Variants in TXNRD1 observed in about 807,000 individuals in gnomAD.
The protein encoded by TXNRD1 is thioredoxin reductase 1, cytoplasmic.
Under a neutral mutation model 80.3 loss-of-function variants are expected in TXNRD1, and 57 were observed. The ratio of observed to expected loss-of-function variants is 0.71; its 90% CI spans 0.57 to 0.89. The LOEUF (loss-of-function observed/expected upper bound fraction) is 0.89. Among genes scored for constraint, TXNRD1 ranks in the 40% least tolerant of loss-of-function variants. TXNRD1 has a pLI of 0.00. For synonymous variants in TXNRD1, 291 were observed against 285.2 expected (o/e 1.02, Z -0.20); for missense variants, 730 against 803.0 (o/e 0.91, Z 1.10).
intron 1 of TXNRD1, among the ~76,000 whole-genome samples, chr12:104,239,615 G>GTTGT: frequency 2.0e-5 from 3 of 151,934 alleles, no homozygotes. Context: ...CCAAGTAACT[G>GTTGT]GGATTACAGG....
intron 2 of TXNRD1, among the ~76,000 whole-genome samples, chr12:104,253,169 C>T (rs1026848602): frequency 3.3e-5 from 5 of 152,030 alleles, no homozygotes; most frequent in Non-Finnish European, 5.9e-5. Flanking sequence ...CTCTCTCGTT[C>T]TGCATGTGTG....
Position 104,344,445 on chromosome 12 carries a change from C to T in TXNRD1, c.1882-3908C>T, listed in dbSNP as rs1037759053. ...AAGGCTTTAAACTCCTGGTTATGGA[C>T]ATTTTAAAAAATTATTTTTAATTGA... On this transcript the variant is annotated intron_variant, in intron 16 of 16. Coordinates refer to ENST00000525566, the MANE Select transcript of TXNRD1 (RefSeq NM_001093771.3). 1.2e-3 allele frequency among the ~76,000 whole-genome samples: 185 copies of T among 151,820 alleles called. 1 individual carries two copies. The highest frequency in any genetic ancestry group is 4.4e-3 in the African/African-American group (180 of 41,300).
At chr12:104,343,066 G>A (rs2036377758) in intron 16 of TXNRD1, among the ~76,000 whole-genome samples, 4 of 152,212 alleles carry the variant, frequency 2.6e-5, no homozygotes, top group African/African-American at 7.2e-5. Flanking sequence ...GAGCAGACTC[G>A]AGGTGACAGC....
At chr12:104,224,572 G>T (rs1363312736) in intron 1 of TXNRD1, among the ~76,000 whole-genome samples, 1 of 151,984 alleles carries the variant, frequency 6.6e-6, no homozygotes, top group African/African-American at 2.4e-5. Context: ...TTTTAGTAAA[G>T]ACGGGGTTTC....
At chr12:104,267,165 C>T (rs202228186) in intron 3 of TXNRD1, among the ~76,000 whole-genome samples, 2 of 53,860 alleles carry the variant, frequency 3.7e-5, no homozygotes, top group Non-Finnish European at 7.6e-5. Flanking sequence ...GACTCCCTCT[C>T]AAAAAAAAAA....
At chr12:104,274,847 A>G (rs984374721) in intron 3 of TXNRD1, among the ~76,000 whole-genome samples, 1 of 152,096 alleles carries the variant, frequency 6.6e-6, no homozygotes, top group Admixed American at 6.6e-5. Context: ...CTTTTATGAG[A>G]TGAAACATCT....
At chr12:104,252,530 T>G (rs550376903) in intron 2 of TXNRD1, among the ~76,000 whole-genome samples, 1 of 150,836 alleles carries the variant, frequency 6.6e-6, no homozygotes, top group Non-Finnish European at 1.5e-5. Context: ...ACCTGATCTG[T>G]CTGGTGCTTC....
At chr12:104,232,638 A>G (rs764966181) in intron 1 of TXNRD1, among the ~76,000 whole-genome samples, 2 of 152,130 alleles carry the variant, frequency 1.3e-5, no homozygotes, top group Non-Finnish European at 2.9e-5. Flanking sequence ...ACATGAGGCC[A>G]GTGCTCCCCA....
chr12:104,311,783 C>G (rs7294412), intron 5 of TXNRD1, among the ~76,000 whole-genome samples: 12,973 of 151,986 alleles, frequency 0.085, 689 homozygotes, highest in East Asian at 0.19. Flanking sequence ...GAGTTCAAGA[C>G]CAGCCTGGCC....
chr12:104,220,396 G>C (rs1431099790), intron 1 of TXNRD1, among the ~76,000 whole-genome samples: 1 of 152,166 alleles, frequency 6.6e-6, no homozygotes, highest in East Asian at 1.9e-4. Flanking sequence ...AATGTGTACT[G>C]AGTATTTAAA....
At chr12:104,254,032 T>G (rs2033186641) in intron 2 of TXNRD1, among the ~76,000 whole-genome samples, 1 of 152,134 alleles carries the variant, frequency 6.6e-6, no homozygotes. Flanking sequence ...GCTTGTCTAG[T>G]CTTTTTCGTT....
chr12:104,252,511 G>C (rs1444592641), intron 2 of TXNRD1, among the ~76,000 whole-genome samples: 1 of 151,036 alleles, frequency 6.6e-6, no homozygotes, highest in Non-Finnish European at 1.5e-5. Context: ...GGTGAGAATT[G>C]AAAGGCAAAC....
intron 4 of TXNRD1, chr12:104,290,876 G>A: frequency 1.9e-6 from 1 of 526,756 alleles, no homozygotes; most frequent in East Asian, 3.3e-5. Flanking sequence ...TGGTTTTAAT[G>A]GCAATGGGAG....
At chr12:104,346,080 T>G (rs1182009057) in intron 16 of TXNRD1, 10 of 1,001,008 alleles carry the variant, frequency 1.0e-5, no homozygotes, top group Non-Finnish European at 1.4e-5. Flanking sequence ...TGGTGTGATC[T>G]CAGTTCACTG....
chr12:104,248,857 G>T (rs552801180), intron 1 of TXNRD1, among the ~76,000 whole-genome samples: 1 of 151,304 alleles, frequency 6.6e-6, no homozygotes, highest in Non-Finnish European at 1.5e-5. Flanking sequence ...ATAGTCTCTC[G>T]CACTCTCACC....
At chr12:104,338,537 A>C (rs968063405) in intron 15 of TXNRD1, among the ~76,000 whole-genome samples, 2 of 151,400 alleles carry the variant, frequency 1.3e-5, no homozygotes, top group African/African-American at 4.8e-5. Flanking sequence ...TCTACTAAAA[A>C]TACAAAAAAA....
rs1041694754 is a variant in TXNRD1, at chr12:104,274,423, C to T, written c.305-14508C>T. Among the ~76,000 whole-genome samples, 12 of 152,122 alleles carry T rather than the reference C, an allele frequency of 7.9e-5. No individual in the cohort carries two copies. The South Asian group carries it at 1.2e-3, about 16-fold the overall frequency. ...GTTAATAATAATAAGCTGCCGGGCA[C>T]GGTGGCTCACGCCTGTAATCCTAGC... On this transcript the variant is annotated intron_variant, in intron 3 of 16. Coordinates refer to ENST00000525566, the MANE Select transcript of TXNRD1 (RefSeq NM_001093771.3).
chr12:104,331,522 A>C lies in TXNRD1; in HGVS notation c.1543-12A>C, dbSNP rs1365789816. On this transcript the variant is annotated splice_polypyrimidine_tract_variant and intron_variant, in intron 13 of 16. Coordinates refer to ENST00000525566, the MANE Select transcript of TXNRD1 (RefSeq NM_001093771.3). Reference sequence around the variant, plus strand: ...TTGCCTATTATAACTCCTTACCTCCATTTTTAAACAGTGTGACTATGAAAA... The same window carrying C: ...TTGCCTATTATAACTCCTTACCTCCCTTTTTAAACAGTGTGACTATGAAAA... The C allele has an allele frequency of 6.3e-7, 1 of 1,575,960 alleles. No individual in the cohort carries two copies. Among genetic ancestry groups the C allele is most frequent in the East Asian group, 2.2e-5 (1 of 44,520 alleles).
At chr12:104,331,664 C>T in intron 14 of TXNRD1, 23 bp downstream of exon 14, 1 of 1,479,166 alleles carries the variant, frequency 6.8e-7, no homozygotes, top group Non-Finnish European at 9.4e-7. Flanking sequence ...CCTCTTTTCT[C>T]CTATGTTATA....
Sources: gnomAD v4.1 joint callset for allele counts (sites outside exome capture counted in the v4.1 genomes callset) on GRCh38, gnomAD v4.1.1 for gene constraint, MANE v1.5 for transcripts, NCBI Gene and HGNC (gene_info 2026-07-23, HGNC 2026-07-21) for gene names.